KCNIP1: variants seen among roughly 807,000 people sequenced by gnomAD.
KCNIP1 encodes the protein A-type potassium channel modulatory protein KCNIP1.
A neutral mutation model predicts 33.0 loss-of-function variants in KCNIP1; 18 were observed. The ratio of observed to expected loss-of-function variants is 0.55; its 90% CI spans 0.38 to 0.81. The LOEUF is 0.81. KCNIP1 is among the 30% of genes least tolerant of loss of function. The pLI is 0.00. For missense variants in KCNIP1, 238 were observed against 271.6 expected (o/e 0.88, Z 0.87); for synonymous variants, 93 against 98.3 (o/e 0.95, Z 0.32).
chr5:170,619,354 G>C (rs545405326), intron 1 of KCNIP1, among the ~76,000 whole-genome samples: 1 of 152,240 alleles, frequency 6.6e-6, no homozygotes, highest in Admixed American at 6.5e-5. Flanking sequence ...CTGAGCCTCA[G>C]TTTCCCCTTC....
At chr5:170,387,638 C>T (rs2113351854) in intron 1 of KCNIP1, among the ~76,000 whole-genome samples, 1 of 152,268 alleles carries the variant, frequency 6.6e-6, no homozygotes, top group South Asian at 2.1e-4. Context: ...GCAGAAATTG[C>T]CCCCGACAAA....
intron 1 of KCNIP1, among the ~76,000 whole-genome samples, chr5:170,529,915 G>T (rs1755723000): frequency 1.3e-5 from 2 of 151,970 alleles, no homozygotes; most frequent in Admixed American, 1.3e-4. Flanking sequence ...CTTTCTTCTT[G>T]TTGGACTCTA....
intron 3 of KCNIP1, 73 bp downstream of exon 3, chr5:170,720,463 C>T: frequency 8.5e-7 from 1 of 1,177,626 alleles, no homozygotes; most frequent in Admixed American, 1.7e-5. Flanking sequence ...TCCAAGTCCT[C>T]TCTTCCTTGC....
chr5:170,610,229 G>A (rs1462998306), intron 1 of KCNIP1, among the ~76,000 whole-genome samples: 1 of 152,158 alleles, frequency 6.6e-6, no homozygotes, highest in East Asian at 1.9e-4. Flanking sequence ...TGAGGAGTAC[G>A]AACCACTTAT....
intron 1 of KCNIP1, among the ~76,000 whole-genome samples, chr5:170,413,546 G>A (rs1249141386): frequency 2.2e-5 from 3 of 139,276 alleles, no homozygotes; most frequent in Admixed American, 6.8e-5. Flanking sequence ...TCATCTGCAA[G>A]ATGGGAATGG....
At chr5:170,423,452 C>G (rs985863935) in intron 1 of KCNIP1, among the ~76,000 whole-genome samples, 1 of 152,086 alleles carries the variant, frequency 6.6e-6, no homozygotes, top group African/African-American at 2.4e-5. Flanking sequence ...CCAAGGGAAC[C>G]CATATCCTGA....
chr5:170,419,482 C>T (rs148551732), intron 1 of KCNIP1, among the ~76,000 whole-genome samples: 20 of 152,258 alleles, frequency 1.3e-4, no homozygotes, highest in African/African-American at 4.3e-4. Flanking sequence ...TCTAAAATAA[C>T]CAAATTTATC....
intron 1 of KCNIP1, among the ~76,000 whole-genome samples, chr5:170,632,672 A>G (rs1053733487): frequency 1.3e-5 from 2 of 152,258 alleles, no homozygotes; most frequent in Non-Finnish European, 2.9e-5. Context: ...TGTGATGCCC[A>G]AAGATGGGCC....
intron 1 of KCNIP1, among the ~76,000 whole-genome samples, chr5:170,536,961 T>A (rs1756011017): frequency 6.6e-6 from 1 of 152,118 alleles, no homozygotes; most frequent in Non-Finnish European, 1.5e-5. Context: ...AGAAAAATTA[T>A]TACTGAAGGA....
chr5:170,507,442 G>T (rs1319940383), intron 1 of KCNIP1, among the ~76,000 whole-genome samples: 1 of 152,146 alleles, frequency 6.6e-6, no homozygotes, highest in Non-Finnish European at 1.5e-5. Flanking sequence ...TATTGTTTGG[G>T]GCTTCCAAAT....
chr5:170,510,060 C>T (rs998529441), intron 1 of KCNIP1, among the ~76,000 whole-genome samples: 1 of 152,208 alleles, frequency 6.6e-6, no homozygotes, highest in African/African-American at 2.4e-5. Flanking sequence ...ACTCTGGCTT[C>T]CTCATCCTCC....
intron 1 of KCNIP1, chr5:170,679,386 C>T (rs1308132534): frequency 6.6e-6 from 1 of 152,204 alleles, no homozygotes; most frequent in Non-Finnish European, 1.5e-5. Flanking sequence ...GCAGGGAAGA[C>T]AAGATTTTCC....
At chr5:170,619,314 A>G (rs1759515402) in intron 1 of KCNIP1, among the ~76,000 whole-genome samples, 3 of 152,164 alleles carry the variant, frequency 2.0e-5, no homozygotes, top group African/African-American at 4.8e-5. Flanking sequence ...GTCATCAGGT[A>G]TCATGACCTT....
chr5:170,514,463 G>A (rs1366782177), intron 1 of KCNIP1, among the ~76,000 whole-genome samples: 1 of 152,136 alleles, frequency 6.6e-6, no homozygotes, highest in Admixed American at 6.5e-5. Flanking sequence ...ATCCAGCCCT[G>A]GGCTGATTAG....
At chr5:170,524,692 G>A (rs965921018) in intron 1 of KCNIP1, among the ~76,000 whole-genome samples, 14 of 152,222 alleles carry the variant, frequency 9.2e-5, no homozygotes, top group African/African-American at 3.4e-4. Context: ...GGTATGGGGC[G>A]GGGCGGGAAT....
intron 1 of KCNIP1, among the ~76,000 whole-genome samples, chr5:170,443,628 C>T (rs1265277609): frequency 6.6e-6 from 1 of 152,224 alleles, no homozygotes; most frequent in Non-Finnish European, 1.5e-5. Flanking sequence ...GATTGAGTTC[C>T]TGCCACCACT....
At chr5:170,686,014 TCTA>T (rs1324194446) in intron 1 of KCNIP1, among the ~76,000 whole-genome samples, 1 of 152,184 alleles carries the variant, frequency 6.6e-6, no homozygotes, top group African/African-American at 2.4e-5. Flanking sequence ...CATCCCTTAT[TCTA>T]CAGATCAGGT....
chr5:170,431,294 C>T (rs972144440), intron 1 of KCNIP1, among the ~76,000 whole-genome samples: 6 of 152,308 alleles, frequency 3.9e-5, no homozygotes, highest in South Asian at 2.1e-4. Context: ...GGAGTCGGCA[C>T]GAATCCTGCC....
upstream of KCNIP1, among the ~76,000 whole-genome samples, chr5:170,500,673 C>G (rs1284413901): frequency 6.6e-6 from 1 of 152,174 alleles, no homozygotes; most frequent in Non-Finnish European, 1.5e-5. Flanking sequence ...TGTTCTTCTA[C>G]TTAGACACAT....
Sources: gnomAD v4.1 joint callset for allele counts (sites outside exome capture counted in the v4.1 genomes callset) on GRCh38, gnomAD v4.1.1 for gene constraint, MANE v1.5 for transcripts, NCBI Gene and HGNC (gene_info 2026-07-23, HGNC 2026-07-21) for gene names.